Variants in HTR4 observed in about 807,000 individuals in gnomAD.
HTR4 encodes the protein 5-hydroxytryptamine receptor 4.
A neutral mutation model predicts 36.8 loss-of-function variants in HTR4; 16 were observed. The ratio of observed to expected loss-of-function variants is 0.43; its 90% CI spans 0.29 to 0.66. The LOEUF (loss-of-function observed/expected upper bound fraction) is 0.66, where lower values mean the gene tolerates loss of function less well. HTR4 is among the 30% of genes least tolerant of loss of function. The pLI, the probability that HTR4 is intolerant of heterozygous loss-of-function variation, is 0.13. For synonymous variants in HTR4, 189 were observed against 185.1 expected, an observed-to-expected ratio of 1.02 and a Z score of -0.17; for missense variants, 438 against 490.9, an observed-to-expected ratio of 0.89 and a Z score of 1.02.
intron 2 of HTR4, among the ~76,000 whole-genome samples, chr5:148,590,037 ACT>A (rs1469156176): frequency 6.6e-6 from 1 of 151,478 alleles, no homozygotes; most frequent in Non-Finnish European, 1.5e-5. Context: ...CCACCATTTC[ACT>A]CTCTGCTTCT....
chr5:148,575,918 C>T (rs549062132), intron 2 of HTR4, among the ~76,000 whole-genome samples: 30 of 151,494 alleles, frequency 2.0e-4, no homozygotes, highest in Admixed American at 7.9e-4. Context: ...AAAGAACATC[C>T]AAATAGGAAG....
intron 1 of HTR4, chr5:148,645,040 T>C (rs1164318653): frequency 6.6e-6 from 1 of 152,264 alleles, no homozygotes; most frequent in Admixed American, 6.5e-5. Context: ...CTTTCATTTT[T>C]GTTTCTTTAT....
In HTR4 at chr5:148,523,291, G is replaced by T. The variant is rs186099216; in HGVS notation, c.409C>A (p.Arg137Ser). Residue 137 changes from arginine (R) to serine (S), a missense_variant, in exon 5 of 7, where the codon CGC becomes AGC. Coordinates refer to ENST00000377888, the MANE Select transcript of HTR4 (RefSeq NM_000870.7). The stretch of plus-strand genomic sequence containing the variant: ...CAGCCTCCCAGCATTAATGCGATGC[G>T]CAGAGGGGTCATCTTGTTCCTATAG... The part of the protein sequence containing the change: ...LVYRNKMTPL[R>S]IALMLGGCWV... 2 of 1,613,078 alleles carry T rather than the reference G, an allele frequency of 1.2e-6. No homozygotes were observed. The highest frequency in any genetic ancestry group is 4.5e-5 in the East Asian group (2 of 44,786).
rs201389917 is a variant in HTR4 at position 148,482,190 on chromosome 5, T to C, written c.*1013A>G. On this transcript the variant is annotated 3_prime_UTR_variant, in exon 7 of 7. Coordinates refer to ENST00000377888, the MANE Select transcript of HTR4 (RefSeq NM_000870.7). ...CTGCTGGATCCTGCCCTCCTGCACC[T>C]TGGGGGAGCTGCAGGGGAAAATGAG... 14 of 985,430 alleles carry C rather than the reference T, an allele frequency of 1.4e-5. No homozygotes were observed. Among genetic ancestry groups the C allele is most frequent in the African/African-American group, 7.0e-5 (4 of 57,236 alleles). 61.0% of individuals were successfully genotyped at this position (985,430 alleles called of 1,614,324 possible).
At chr5:148,565,949 T>C (rs1271613464) in intron 2 of HTR4, among the ~76,000 whole-genome samples, 1 of 152,194 alleles carries the variant, frequency 6.6e-6, no homozygotes, top group African/African-American at 2.4e-5. Flanking sequence ...TGTCAATGCA[T>C]ATCCAGATGA....
intron 2 of HTR4, among the ~76,000 whole-genome samples, chr5:148,590,521 A>C (rs1761524417): frequency 6.6e-6 from 1 of 151,464 alleles, no homozygotes; most frequent in Non-Finnish European, 1.5e-5. Context: ...TTTACAGAAC[A>C]GCAGAGCAAA....
At chr5:148,499,778 T>A (rs1447008030) in intron 6 of HTR4, among the ~76,000 whole-genome samples, 1 of 152,208 alleles carries the variant, frequency 6.6e-6, no homozygotes. Context: ...GGAGGCCACA[T>A]GAATGGCTTG....
intron 1 of HTR4, among the ~76,000 whole-genome samples, chr5:148,637,568 A>T (rs184301375): frequency 6.6e-6 from 1 of 152,172 alleles, no homozygotes; most frequent in African/African-American, 2.4e-5. Context: ...ATGCACACAC[A>T]TGCACACTTT....
chr5:148,527,258 T>C (rs1312115478), intron 4 of HTR4, among the ~76,000 whole-genome samples: 1 of 152,214 alleles, frequency 6.6e-6, no homozygotes, highest in Non-Finnish European at 1.5e-5. Flanking sequence ...CTGAGAAGAT[T>C]CTTTGATTTC....
intron 5 of HTR4, among the ~76,000 whole-genome samples, chr5:148,519,285 G>A (rs930091407): frequency 7.2e-5 from 11 of 152,136 alleles, no homozygotes; most frequent in Non-Finnish European, 1.5e-4. Flanking sequence ...GAACATAAAT[G>A]AGAAAATTAT....
At chr5:148,610,643 G>A (rs753365499) in intron 2 of HTR4, among the ~76,000 whole-genome samples, 28 of 152,100 alleles carry the variant, frequency 1.8e-4, no homozygotes, top group Non-Finnish European at 3.7e-4. Flanking sequence ...AAGGAACGCA[G>A]CTCCTCACCA....
chr5:148,484,418 C>T, intron 6 of HTR4: 1 of 1,581,926 alleles, frequency 6.3e-7, no homozygotes, highest in Non-Finnish European at 8.6e-7. Context: ...AATTATTATA[C>T]AACAGTGAAT....
intron 6 of HTR4, among the ~76,000 whole-genome samples, chr5:148,487,269 T>G (rs575101303): frequency 1.3e-5 from 2 of 152,180 alleles, no homozygotes; most frequent in South Asian, 4.1e-4. Context: ...AAATCAAGAA[T>G]TCTGCCCATT....
At chr5:148,539,905 A>G (rs537641307) in intron 4 of HTR4, among the ~76,000 whole-genome samples, 1 of 152,288 alleles carries the variant, frequency 6.6e-6, no homozygotes, top group East Asian at 1.9e-4. Context: ...GTTCTACCAT[A>G]AAGACACATG....
intron 5 of HTR4, among the ~76,000 whole-genome samples, chr5:148,466,882 C>T (rs749043145): frequency 3.3e-5 from 5 of 152,096 alleles, no homozygotes; most frequent in Non-Finnish European, 7.4e-5. Context: ...GATGATATGC[C>T]TTGGTATCCT....
downstream of HTR4, among the ~76,000 whole-genome samples, chr5:148,474,958 T>C (rs1755660307): frequency 6.6e-6 from 1 of 151,986 alleles, no homozygotes; most frequent in Non-Finnish European, 1.5e-5. Context: ...AGGCGGAGAA[T>C]TGCTGGAACC....
Position 148,483,408 on chromosome 5 carries a change from A to C in HTR4, c.1077-115T>G, listed in dbSNP as rs1755988121. ...CTCTGTGCCATGCAGATGAGTAGCT[A>C]TTTGGCTTCTACTTAGGAATTTCCA... On this transcript the variant is annotated intron_variant, in intron 6 of 6. Transcript: ENST00000377888. 3.3e-6 allele frequency: 3 copies of C among 906,752 alleles called. No individual in the cohort carries two copies. The East Asian group carries it at 8.0e-5, about 24-fold the overall frequency. The allele number at this position is 906,752 out of a possible 1,614,324, so 56.2% of individuals were successfully genotyped here.
At chr5:148,601,117 A>T (rs572134960) in intron 2 of HTR4, among the ~76,000 whole-genome samples, 2 of 152,034 alleles carry the variant, frequency 1.3e-5, no homozygotes, top group Non-Finnish European at 2.9e-5. Flanking sequence ...AATCATCAGG[A>T]ACATGCAAAT....
intron 5 of HTR4, among the ~76,000 whole-genome samples, chr5:148,522,985 C>G (rs1758092477): frequency 6.6e-6 from 1 of 151,758 alleles, no homozygotes. Context: ...CTAGATGGGA[C>G]AAGGATTCAG....
Sources: gnomAD v4.1 joint callset for allele counts (sites outside exome capture counted in the v4.1 genomes callset) on GRCh38, gnomAD v4.1.1 for gene constraint, MANE v1.5 for transcripts, NCBI Gene and HGNC (gene_info 2026-07-23, HGNC 2026-07-21) for gene names.